Variants in PCSK5 observed in about 807,000 individuals in gnomAD.
PCSK5 encodes proprotein convertase subtilisin/kexin type 5.
A neutral mutation model predicts 233.2 loss-of-function variants in PCSK5; 129 were observed. The ratio of observed to expected loss-of-function variants is 0.55; its 90% CI spans 0.48 to 0.64. The LOEUF (loss-of-function observed/expected upper bound fraction) is 0.64. PCSK5 is among the 30% of genes least tolerant of loss of function. The pLI is 0.00. For missense variants in PCSK5, 2,076 were observed against 2,430.1 expected (o/e 0.85, Z 3.06); for synonymous variants, 825 against 879.2 (o/e 0.94, Z 1.09).
intron 2 of PCSK5, among the ~76,000 whole-genome samples, chr9:75,936,533 G>C (rs149710584): frequency 6.6e-6 from 1 of 152,154 alleles, no homozygotes; most frequent in East Asian, 1.9e-4. Context: ...CGCTTTCTTT[G>C]CTTAACCATA....
chr9:75,995,962 G>T (rs2131415432), intron 3 of PCSK5, among the ~76,000 whole-genome samples: 1 of 151,984 alleles, frequency 6.6e-6, no homozygotes, highest in Admixed American at 6.5e-5. Flanking sequence ...ATGGCATTTT[G>T]AAAAATCTGT....
chr9:76,301,920 T>C (rs1246868693), intron 27 of PCSK5, among the ~76,000 whole-genome samples: 2 of 151,988 alleles, frequency 1.3e-5, no homozygotes, highest in Admixed American at 6.6e-5. Flanking sequence ...TTAAATGCAG[T>C]GTTCAGGGTC....
intron 30 of PCSK5, among the ~76,000 whole-genome samples, chr9:76,311,729 G>C (rs182725737): frequency 2.2e-4 from 33 of 152,306 alleles, no homozygotes; most frequent in East Asian, 5.8e-4. Flanking sequence ...AATGCTGCAA[G>C]TCCAGTATTG....
intron 3 of PCSK5, among the ~76,000 whole-genome samples, chr9:76,010,372 CTT>C (rs1827680032): frequency 6.6e-6 from 1 of 152,114 alleles, no homozygotes; most frequent in Non-Finnish European, 1.5e-5. Flanking sequence ...TAGAAAGTAA[CTT>C]CAGGAATTTA....
intron 10 of PCSK5, among the ~76,000 whole-genome samples, chr9:76,138,081 C>A (rs1823052957): frequency 6.6e-6 from 1 of 151,974 alleles, no homozygotes; most frequent in African/African-American, 2.4e-5. Flanking sequence ...ACCAATATTT[C>A]CTGAGCACTT....
intron 2 of PCSK5, among the ~76,000 whole-genome samples, chr9:75,966,420 A>G (rs369406132): frequency 6.6e-6 from 1 of 152,210 alleles, no homozygotes; most frequent in East Asian, 1.9e-4. Context: ...TCCCCTCAAC[A>G]ATAACTTTTT....
chr9:76,288,141 T>G (rs987535604), intron 24 of PCSK5: 1 of 152,244 alleles, frequency 6.6e-6, no homozygotes. Flanking sequence ...CATGATCCTG[T>G]CAAGCCCAGC....
In PCSK5 at chr9:75,976,094, C is replaced by G. The variant is rs537784936; in HGVS notation, c.298-10038C>G. Among the ~76,000 whole-genome samples the G allele has an allele frequency of 3.3e-5, 5 of 152,066 alleles. No individual in the cohort carries two copies. The East Asian group carries it at 9.6e-4, about 29-fold the overall frequency. On this transcript the variant is annotated intron_variant, in intron 2 of 37. Transcript: ENST00000674117. Reference sequence around the variant, plus strand: ...AATCGAAATTGTTTGCAAATTTCCTCTTATTGATTAAATGAGATGTCCTAA... The same window carrying G: ...AATCGAAATTGTTTGCAAATTTCCTGTTATTGATTAAATGAGATGTCCTAA...
At chr9:76,052,354 G>T (rs1829660794) in intron 5 of PCSK5, among the ~76,000 whole-genome samples, 1 of 152,146 alleles carries the variant, frequency 6.6e-6, no homozygotes, top group African/African-American at 2.4e-5. Flanking sequence ...AGAAAAGGAG[G>T]TTTAATGGAC....
chr9:76,147,999 C>T (rs1823511038), intron 10 of PCSK5, among the ~76,000 whole-genome samples: 1 of 152,066 alleles, frequency 6.6e-6, no homozygotes, highest in South Asian at 2.1e-4. Context: ...GCTAAAAATT[C>T]CCTGCAAGTA....
rs536561723 is a variant in PCSK5 at position 76,296,577 on chromosome 9, G to A, written c.3323-88G>A. On this transcript the variant is annotated intron_variant, in intron 26 of 37. Transcript: ENST00000674117. ...AATAAAAACAAATGCAAAGAAAAAT[G>A]TCCCTAAAATTTCCTCCAGCCTCTT... 7.8e-5 allele frequency: 59 copies of A among 759,706 alleles called. No homozygotes were observed. The East Asian group carries it at 1.4e-3, about 18-fold the overall frequency. 47.1% of individuals were successfully genotyped at this position (759,706 alleles called of 1,614,324 possible).
intron 28 of PCSK5, 93 bp downstream of exon 28, chr9:76,302,310 C>T (rs999937548): frequency 6.1e-5 from 32 of 528,306 alleles, no homozygotes; most frequent in African/African-American, 5.3e-4. Context: ...AGCTGGGAGG[C>T]CAGAAGCAAA....
intron 24 of PCSK5, among the ~76,000 whole-genome samples, chr9:76,249,702 T>G (rs1055651449): frequency 7.9e-5 from 12 of 151,930 alleles, no homozygotes; most frequent in South Asian, 2.1e-4. Flanking sequence ...TGTAGGAGGA[T>G]AGAAAGGGGT....
chr9:76,310,954 G>C, intron 30 of PCSK5, 103 bp downstream of exon 30: 4 of 771,078 alleles, frequency 5.2e-6, no homozygotes, highest in Non-Finnish European at 8.0e-6. Context: ...TCTGCTCTAC[G>C]AGCACCCACA....
At chr9:76,147,723 G>T (rs1477336077) in intron 10 of PCSK5, among the ~76,000 whole-genome samples, 3 of 152,146 alleles carry the variant, frequency 2.0e-5, no homozygotes, top group African/African-American at 7.2e-5. Context: ...ATCCTTAGAA[G>T]AATAAAGTGC....
At chr9:76,233,624 T>C (rs906247732) in intron 22 of PCSK5, 28 bp downstream of exon 22, 2 of 1,602,542 alleles carry the variant, frequency 1.2e-6, no homozygotes, top group Non-Finnish European at 8.5e-7. Flanking sequence ...CTCCGTCTTC[T>C]GCACCCCAAA....
chr9:75,906,305 A>G (rs542152324), intron 1 of PCSK5, among the ~76,000 whole-genome samples: 36 of 152,206 alleles, frequency 2.4e-4, no homozygotes, highest in Non-Finnish European at 3.8e-4. Flanking sequence ...GGCTCACTGC[A>G]GCCTCCGCCT....
rs183530351 is a variant in PCSK5 at position 76,078,715 on chromosome 9, T to G, written c.894+6817T>G. ...TTTATGTACCAATGTCATGCTGTTT[T>G]GGTTACTGTAGGCTTTTAGTATAGT... On this transcript the variant is annotated intron_variant, in intron 7 of 37. Transcript: ENST00000674117. Among the ~76,000 whole-genome samples, 342 of 152,316 alleles carry G rather than the reference T, an allele frequency of 2.2e-3. 1 individual carries two copies. Among genetic ancestry groups the G allele is most frequent in the Non-Finnish European group, 3.6e-3 (248 of 68,026 alleles).
intron 24 of PCSK5, among the ~76,000 whole-genome samples, chr9:76,244,548 GTTGAAAATCCTGGGGTTTTTT>G (rs1826524064): frequency 7.1e-6 from 1 of 141,266 alleles, no homozygotes; most frequent in African/African-American, 2.7e-5. Context: ...ATAATTAGCT[GTTGAAAATCCTGGGGTTTTTT>G]TTTTTTTTTT....
Sources: gnomAD v4.1 joint callset for allele counts (sites outside exome capture counted in the v4.1 genomes callset) on GRCh38, gnomAD v4.1.1 for gene constraint, MANE v1.5 for transcripts, NCBI Gene and HGNC (gene_info 2026-07-23, HGNC 2026-07-21) for gene names.